Variants in RANBP2 observed in about 807,000 individuals in gnomAD.
RANBP2 encodes the protein RAN binding protein 2, also known as E3 SUMO-protein ligase RanBP2.
Under a neutral mutation model 303.6 loss-of-function variants are expected in RANBP2, and 57 were observed. That is an observed-to-expected ratio of 0.19 (90% CI 0.15 to 0.23). The LOEUF is 0.23. Ranked by LOEUF, RANBP2 falls within the 10% of genes least tolerant of loss-of-function variation. The pLI is 1.00. For synonymous variants in RANBP2, 1,167 were observed against 1,301.5 expected (o/e 0.90, Z 2.23); for missense variants, 3,138 against 3,780.8 (o/e 0.83, Z 4.46).
At chr2:109,421,587 C>T in the RANBP2 span, among the ~76,000 whole-genome samples, 2 of 152,232 alleles carry the variant, frequency 1.3e-5, no homozygotes, top group Non-Finnish European at 2.9e-5. Context: ...CTCTTCTTCA[C>T]CCAGTTCGCC....
At chr2:109,735,925 A>T in the RANBP2 span, among the ~76,000 whole-genome samples, 2 of 152,196 alleles carry the variant, frequency 1.3e-5, no homozygotes, top group Non-Finnish European at 2.9e-5. Flanking sequence ...ACACAAGTGA[A>T]ATTGCAAAGC....
At chr2:109,332,333 G>A in the RANBP2 span, among the ~76,000 whole-genome samples, 1 of 152,136 alleles carries the variant, frequency 6.6e-6, no homozygotes, top group Non-Finnish European at 1.5e-5. Flanking sequence ...TGTTCTGAGA[G>A]TTGCGCCCAG....
chr2:109,005,730 A>T, the RANBP2 span, among the ~76,000 whole-genome samples: 151,573 of 152,378 alleles, frequency 0.99, 75,393 homozygotes, highest in Middle Eastern at 1. Context: ...TCTGGCAATG[A>T]CAGCTGGAGC....
chr2:109,458,683 C>T, the RANBP2 span, among the ~76,000 whole-genome samples: 1 of 152,074 alleles, frequency 6.6e-6, no homozygotes, highest in African/African-American at 2.4e-5. Context: ...GCTGGACCCT[C>T]AGTCAGGAGT....
chr2:109,504,366 C>T, the RANBP2 span: 1 of 152,246 alleles, frequency 6.6e-6, no homozygotes, highest in African/African-American at 2.4e-5. Flanking sequence ...CCAGGGGCCT[C>T]TGCCCAGAGG....
At chr2:108,934,933 A>G in the RANBP2 span, among the ~76,000 whole-genome samples, 1 of 152,224 alleles carries the variant, frequency 6.6e-6, no homozygotes, top group East Asian at 1.9e-4. Flanking sequence ...TAACTTGTGG[A>G]ACTAACCAGT....
At chr2:108,995,564 C>A in the RANBP2 span, among the ~76,000 whole-genome samples, 1 of 152,208 alleles carries the variant, frequency 6.6e-6, no homozygotes, top group African/African-American at 2.4e-5. Context: ...AGAGCTGCTG[C>A]CTGCCACCTC....
chr2:109,584,793 T>G, the RANBP2 span, among the ~76,000 whole-genome samples: 1 of 152,218 alleles, frequency 6.6e-6, no homozygotes, highest in South Asian at 2.1e-4. Context: ...GTCTTGTATT[T>G]TTTTTCTTCA....
the RANBP2 span, among the ~76,000 whole-genome samples, chr2:108,918,471 G>A: frequency 6.6e-6 from 1 of 152,220 alleles, no homozygotes; most frequent in African/African-American, 2.4e-5. Context: ...GTACACTTCC[G>A]TGTGCACCTG....
the RANBP2 span, among the ~76,000 whole-genome samples, chr2:109,245,548 A>G: frequency 9.2e-5 from 14 of 152,370 alleles, no homozygotes; most frequent in South Asian, 2.7e-3. Flanking sequence ...TTTATTGGAC[A>G]AACTGCACCT....
chr2:109,506,589 A>T, the RANBP2 span, among the ~76,000 whole-genome samples: 1 of 152,196 alleles, frequency 6.6e-6, no homozygotes. Context: ...ATCTGCATAG[A>T]GTTGTCACAT....
the RANBP2 span, among the ~76,000 whole-genome samples, chr2:109,067,471 T>C: frequency 8.6e-3 from 1,310 of 152,278 alleles, 23 homozygotes; most frequent in African/African-American, 0.03. Flanking sequence ...GCAGGGGCCA[T>C]GCCACCATCC....
At chr2:109,374,101 C>T in the RANBP2 span, among the ~76,000 whole-genome samples, 1 of 152,292 alleles carries the variant, frequency 6.6e-6, no homozygotes, top group South Asian at 2.1e-4. Context: ...GCTCCATAGC[C>T]CCACCTGCCC....
chr2:108,958,482 C>T, the RANBP2 span, among the ~76,000 whole-genome samples: 2 of 151,916 alleles, frequency 1.3e-5, no homozygotes, highest in East Asian at 3.9e-4. Flanking sequence ...GCAGAAGGCT[C>T]ACAAGGGTGC....
chr2:108,950,342 T>C, the RANBP2 span, among the ~76,000 whole-genome samples: 1 of 152,070 alleles, frequency 6.6e-6, no homozygotes, highest in Non-Finnish European at 1.5e-5. Flanking sequence ...CATCAAATTT[T>C]TGGGCTCGAA....
the RANBP2 span, among the ~76,000 whole-genome samples, chr2:108,812,278 A>T: frequency 6.7e-4 from 102 of 152,280 alleles, no homozygotes; most frequent in African/African-American, 2.2e-3. Flanking sequence ...AATCCCAGTT[A>T]TAGCTCATTG....
At chr2:108,890,232 CTTT>C in the RANBP2 span, among the ~76,000 whole-genome samples, 317 of 114,726 alleles carry the variant, frequency 2.8e-3, no homozygotes, top group African/African-American at 0.011. Flanking sequence ...ATGGGGTTTT[CTTT>C]TTTTTTTTTT....
At chr2:108,842,084 C>G in the RANBP2 span, among the ~76,000 whole-genome samples, 1,054 of 152,196 alleles carry the variant, frequency 6.9e-3, 6 homozygotes, top group Non-Finnish European at 0.012. Flanking sequence ...GGCAGGAGTG[C>G]AGTGATGATC....
chr2:109,116,326 G>A, the RANBP2 span, among the ~76,000 whole-genome samples: 27 of 152,162 alleles, frequency 1.8e-4, no homozygotes, highest in Admixed American at 6.5e-4. Flanking sequence ...GGCTTTGTTC[G>A]TTTCTTTTTA....
Sources: gnomAD v4.1 joint callset for allele counts (sites outside exome capture counted in the v4.1 genomes callset) on GRCh38, gnomAD v4.1.1 for gene constraint, MANE v1.5 for transcripts, NCBI Gene and HGNC (gene_info 2026-07-23, HGNC 2026-07-21) for gene names.